RAB9B: variants seen among roughly 807,000 people sequenced by gnomAD.
RAB9B encodes the protein RAB9B, member RAS oncogene family.
RAB9B carries 1 observed loss-of-function variant against 8.9 expected under a neutral mutation model. The observed-to-expected ratio is 0.11, with a 90% CI of 0.04 to 0.53. RAB9B has a LOEUF of 0.53. RAB9B is among the 20% of genes least tolerant of loss of function. The pLI is 0.93. For synonymous variants in RAB9B, 63 were observed against 57.0 expected, an observed-to-expected ratio of 1.10 and a Z score of -0.47; for missense variants, 82 against 152.9, an observed-to-expected ratio of 0.54 and a Z score of 2.45.
the RAB9B span, chrX:103,786,983 C>T: frequency 2.4e-6 from 1 of 411,813 alleles, no homozygotes; most frequent in Non-Finnish European, 4.3e-6. Context: ...TTTGTACAAT[C>T]AGACCATTTC....
the RAB9B span, among the ~76,000 whole-genome samples, chrX:103,796,562 A>C: frequency 1.8e-5 from 2 of 111,218 alleles, no homozygotes; most frequent in African/African-American, 3.3e-5. Context: ...TTTATCAAGC[A>C]CTGTATCTGC....
chrX:103,811,765 C>A, the RAB9B span, among the ~76,000 whole-genome samples: 7 of 110,835 alleles, frequency 6.3e-5, no homozygotes, highest in Non-Finnish European at 9.4e-5. Flanking sequence ...AAGCTAATGA[C>A]TTAGTCTTCT....
At chrX:103,830,588 C>A (rs186400407) in intron 1 of RAB9B, among the ~76,000 whole-genome samples, 2 of 111,421 alleles carry the variant, frequency 1.8e-5, no homozygotes, top group East Asian at 5.6e-4. Flanking sequence ...AATGAGCATG[C>A]TCTAAGGATA....
chrX:103,797,709 T>G, the RAB9B span, among the ~76,000 whole-genome samples: 2 of 111,138 alleles, frequency 1.8e-5, no homozygotes, highest in Non-Finnish European at 3.8e-5. Flanking sequence ...CTCTGACCTA[T>G]AGTTGGCAGA....
chrX:103,780,198 G>A, the RAB9B span: 4 of 112,721 alleles, frequency 3.5e-5, no homozygotes, highest in Admixed American at 9.4e-5. Context: ...AAGAGAATAA[G>A]GTTCCCCAAA....
the RAB9B span, among the ~76,000 whole-genome samples, chrX:103,810,317 C>T: frequency 9.0e-6 from 1 of 111,693 alleles, no homozygotes; most frequent in East Asian, 2.8e-4. Flanking sequence ...TTTTTGAGGT[C>T]TGGATGCCTG....
At chrX:103,798,073 A>G in the RAB9B span, among the ~76,000 whole-genome samples, 11 of 111,760 alleles carry the variant, frequency 9.8e-5, no homozygotes, top group East Asian at 2.8e-3. Context: ...CAGAAACTGC[A>G]CTTTAACAAG....
At chrX:103,785,992 C>CCCGGG in the RAB9B span, 1 of 694,147 alleles carries the variant, frequency 1.4e-6, no homozygotes, top group Non-Finnish European at 2.1e-6. Flanking sequence ...CCCCCGCCCC[C>CCCGGG]TTGTTTTCTT....
chrX:103,776,860 G>C, the RAB9B span: 275 of 627,958 alleles, frequency 4.4e-4, no homozygotes, highest in Non-Finnish European at 2.0e-4. Context: ...CAGGAGAAGA[G>C]GACAAAGATA....
chrX:103,813,523 C>T, the RAB9B span, among the ~76,000 whole-genome samples: 1 of 108,755 alleles, frequency 9.2e-6, no homozygotes, highest in African/African-American at 3.3e-5. Context: ...AGGGCAGTGG[C>T]GTGATCTTGG....
chrX:103,821,555 G>A (rs759581657), downstream of RAB9B, among the ~76,000 whole-genome samples: 1 of 111,700 alleles, frequency 9.0e-6, no homozygotes, highest in Non-Finnish European at 1.9e-5. Flanking sequence ...AAGCCATTGG[G>A]TGCTAATGTA....
the RAB9B span, among the ~76,000 whole-genome samples, chrX:103,802,235 A>AG: frequency 1.9e-4 from 15 of 77,788 alleles, no homozygotes; most frequent in Admixed American, 6.0e-4. Context: ...AGAGAGAGAG[A>AG]AAAAAAGGGA....
chrX:103,776,901 G>T, the RAB9B span: 1 of 825,927 alleles, frequency 1.2e-6, no homozygotes, highest in Non-Finnish European at 1.8e-6. Context: ...GACCGAAGAA[G>T]GAGGCTGGAG....
chrX:103,808,877 C>G, the RAB9B span, among the ~76,000 whole-genome samples: 1 of 113,240 alleles, frequency 8.8e-6, no homozygotes, highest in African/African-American at 3.2e-5. Flanking sequence ...TTCCTGTTTG[C>G]TGTACATGTT....
chrX:103,790,528 T>A, the RAB9B span: 1 of 1,202,167 alleles, frequency 8.3e-7, no homozygotes, highest in Non-Finnish European at 1.1e-6. Context: ...TCCCTACAGC[T>A]CACCTTCATG....
chrX:103,796,847 CAAAAAAAAAAAAA>C, the RAB9B span, among the ~76,000 whole-genome samples: 5 of 12,107 alleles, frequency 4.1e-4, no homozygotes, highest in Non-Finnish European at 6.3e-4. Flanking sequence ...ACCGCCTCTA[CAAAAAAAAAAAAA>C]AAAAAAAAAA....
chrX:103,787,014 C>T, the RAB9B span: 1 of 363,368 alleles, frequency 2.8e-6, no homozygotes, highest in Admixed American at 4.4e-5. Context: ...GTTGGTATCC[C>T]TTTGTTCCCT....
At chrX:103,820,042 C>A (rs2074653645), downstream of RAB9B, among the ~76,000 whole-genome samples, 1 of 111,476 alleles carries the variant, frequency 9.0e-6, no homozygotes, top group African/African-American at 3.3e-5. Context: ...CCAGGAGAAA[C>A]CCCTTCCCCC....
chrX:103,813,426 C>G, the RAB9B span, among the ~76,000 whole-genome samples: 1 of 106,300 alleles, frequency 9.4e-6, no homozygotes, highest in African/African-American at 3.4e-5. Context: ...TGCAATCTGT[C>G]GCCAATGATA....
Sources: allele counts gnomAD v4.1 joint callset (sites outside exome capture counted in the v4.1 genomes callset), GRCh38; gene constraint gnomAD v4.1.1; transcripts MANE v1.5; gene names NCBI Gene and HGNC (gene_info 2026-07-23, HGNC 2026-07-21).